The following TCF12 variants were observed in gnomAD, a reference collection of about 807,000 sequenced individuals.
TCF12 encodes the protein DNA-binding protein HTF4.
TCF12 carries 45 observed loss-of-function variants against 86.0 expected under a neutral mutation model. The observed-to-expected ratio is 0.52, with a 90% confidence interval of 0.41 to 0.67. TCF12 has a LOEUF of 0.67. Among genes scored for constraint, TCF12 ranks in the 30% least tolerant of loss-of-function variants. TCF12 has a pLI of 0.00. For synonymous variants in TCF12, 330 were observed against 299.6 expected, an observed-to-expected ratio of 1.10 and a Z score of -1.05; for missense variants, 881 against 859.9, an observed-to-expected ratio of 1.02 and a Z score of -0.31.
intron 20 of TCF12, 73 bp downstream of exon 20, chr15:57,282,671 G>T (rs951983494): frequency 2.6e-6 from 4 of 1,529,832 alleles, no homozygotes; most frequent in African/African-American, 2.8e-5. Flanking sequence ...TAGAATCTTT[G>T]AACAGAATTC....
chr15:56,952,499 G>C (rs1158771484), intron 3 of TCF12, among the ~76,000 whole-genome samples: 1 of 151,540 alleles, frequency 6.6e-6, no homozygotes, highest in African/African-American at 2.4e-5. Flanking sequence ...ATCGTAATAG[G>C]GTTTTCTGAT....
At chr15:56,973,491 A>G (rs1488813937) in intron 3 of TCF12, among the ~76,000 whole-genome samples, 2 of 152,126 alleles carry the variant, frequency 1.3e-5, no homozygotes, top group African/African-American at 4.8e-5. Context: ...CTATGAGTAC[A>G]TACAGATGTA....
intron 5 of TCF12, among the ~76,000 whole-genome samples, chr15:57,159,114 A>G (rs1465645121): frequency 6.6e-6 from 1 of 152,248 alleles, no homozygotes; most frequent in African/African-American, 2.4e-5. Context: ...AGAATTTCTG[A>G]ATAGTTTATT....
At chr15:57,070,733 A>G (rs1209026179) in intron 4 of TCF12, among the ~76,000 whole-genome samples, 1 of 152,216 alleles carries the variant, frequency 6.6e-6, no homozygotes, top group African/African-American at 2.4e-5. Context: ...GTAGTGAGTT[A>G]GAAATAGGAT....
intron 6 of TCF12, among the ~76,000 whole-genome samples, chr15:57,182,309 ATAT>A (rs1289607137): frequency 6.6e-6 from 1 of 152,144 alleles, no homozygotes; most frequent in Non-Finnish European, 1.5e-5. Flanking sequence ...AAAGAAAAAT[ATAT>A]TATTTTATTA....
intron 3 of TCF12, among the ~76,000 whole-genome samples, chr15:57,057,382 G>T (rs1420374150): frequency 6.6e-6 from 1 of 152,166 alleles, no homozygotes; most frequent in Non-Finnish European, 1.5e-5. Context: ...ATTGCTGCTT[G>T]CCTGCAGGAG....
intron 7 of TCF12, among the ~76,000 whole-genome samples, chr15:57,194,425 G>A (rs959005488): frequency 2.6e-5 from 4 of 152,112 alleles, no homozygotes; most frequent in Admixed American, 6.6e-5. Context: ...GAGGTCCACC[G>A]ATTTCCTGTG....
At chr15:56,993,097 T>G (rs2063532924) in intron 3 of TCF12, among the ~76,000 whole-genome samples, 1 of 152,144 alleles carries the variant, frequency 6.6e-6, no homozygotes, top group Non-Finnish European at 1.5e-5. Context: ...TTACCATTTT[T>G]TTTTTCTTCC....
At chr15:57,149,984 A>G (rs925948693) in intron 5 of TCF12, among the ~76,000 whole-genome samples, 2 of 152,172 alleles carry the variant, frequency 1.3e-5, no homozygotes, top group Non-Finnish European at 2.9e-5. Flanking sequence ...ATTACTTTTC[A>G]GACATTTGAC....
intron 13 of TCF12, among the ~76,000 whole-genome samples, chr15:57,250,364 A>G (rs1330157008): frequency 6.6e-6 from 1 of 152,218 alleles, no homozygotes; most frequent in Admixed American, 6.5e-5. Context: ...AATGTTTACT[A>G]TATCACTGTT....
In TCF12 at chr15:57,005,770, A is replaced by G. The variant is rs113328601; in HGVS notation, c.149-57980A>G. 1.4e-4 allele frequency among the ~76,000 whole-genome samples: 21 copies of G among 152,068 alleles called. 1 individual carries two copies. Among genetic ancestry groups the G allele is most frequent in the African/African-American group, 4.6e-4 (19 of 41,484 alleles). On this transcript the variant is annotated intron_variant, in intron 3 of 20. Coordinates refer to ENST00000333725, the MANE Select transcript of TCF12 (RefSeq NM_207037.2). The stretch of plus-strand genomic sequence containing the variant: ...TTTTTTGTAGAGACAGGGTCTCACT[A>G]TGCTGCCCAGGCTGGTCTCGAACTC...
At chr15:57,166,551 C>T in intron 6 of TCF12, 85 bp downstream of exon 6, 5 of 1,189,278 alleles carry the variant, frequency 4.2e-6, no homozygotes, top group Non-Finnish European at 5.9e-6. Flanking sequence ...TAGAAATTAT[C>T]CAATTTATTT....
chr15:56,987,409 C>G lies in TCF12; in HGVS notation c.148+66311C>G, dbSNP rs141353055. ...GGATTACAGGCTTGAGCCACCGTGC[C>G]TGGCCTAATTAGTTACTTTTAAATG... On this transcript the variant is annotated intron_variant, in intron 3 of 20. Transcript: ENST00000333725. Among the ~76,000 whole-genome samples the G allele has an allele frequency of 7.2e-3, 1,096 of 152,282 alleles. 13 individuals are homozygous for G. Among genetic ancestry groups the G allele is most frequent in the African/African-American group, 0.025 (1,046 of 41,564 alleles).
intron 3 of TCF12, among the ~76,000 whole-genome samples, chr15:56,968,777 A>G (rs2062138686): frequency 6.6e-6 from 1 of 152,178 alleles, no homozygotes; most frequent in African/African-American, 2.4e-5. Flanking sequence ...TCCTGATGAC[A>G]TGTGCTCAAG....
intron 3 of TCF12, among the ~76,000 whole-genome samples, chr15:57,023,000 T>C (rs1334582042): frequency 1.3e-5 from 2 of 152,172 alleles, no homozygotes; most frequent in Admixed American, 6.6e-5. Context: ...GTGGTTTTCC[T>C]TCTCTTTTAA....
chr15:57,049,671 A>G (rs1194044336), intron 3 of TCF12, among the ~76,000 whole-genome samples: 2 of 152,194 alleles, frequency 1.3e-5, no homozygotes, highest in African/African-American at 4.8e-5. Flanking sequence ...GCTGCTATAA[A>G]CAGTTTTGTG....
chr15:57,054,749 G>T (rs2067871123), intron 3 of TCF12, among the ~76,000 whole-genome samples: 1 of 110,784 alleles, frequency 9.0e-6, no homozygotes, highest in South Asian at 3.0e-4. Context: ...CCTTTTATTA[G>T]CTGGCTTTTT....
chr15:57,222,018 T>C (rs1011948389), intron 8 of TCF12, among the ~76,000 whole-genome samples: 2 of 152,064 alleles, frequency 1.3e-5, no homozygotes, highest in Non-Finnish European at 1.5e-5. Context: ...AAGTTTAATA[T>C]ACTTCTTGTC....
At chr15:57,178,117 A>G (rs937150532) in intron 6 of TCF12, among the ~76,000 whole-genome samples, 2 of 152,214 alleles carry the variant, frequency 1.3e-5, no homozygotes, top group Non-Finnish European at 2.9e-5. Context: ...AGAGGTGACA[A>G]CATACTGGCT....
Sources: allele counts gnomAD v4.1 joint callset (sites outside exome capture counted in the v4.1 genomes callset), GRCh38; gene constraint gnomAD v4.1.1; transcripts MANE v1.5; gene names NCBI Gene and HGNC (gene_info 2026-07-23, HGNC 2026-07-21).